Variants in GLDC observed in about 807,000 individuals in gnomAD.
The protein encoded by GLDC is glycine dehydrogenase (decarboxylating), mitochondrial.
GLDC carries 104 observed loss-of-function variants against 121.3 expected under a neutral mutation model. That is an observed-to-expected ratio of 0.86 (90% confidence interval 0.73 to 1.01). The LOEUF (loss-of-function observed/expected upper bound fraction) is 1.01. Among genes scored for constraint, GLDC ranks in the 50% least tolerant of loss-of-function variants. GLDC has a pLI of 0.00. For missense variants in GLDC, 1,429 were observed against 1,306.6 expected (o/e 1.09, Z -1.44); for synonymous variants, 546 against 480.6 (o/e 1.14, Z -1.78).
At chr9:6,595,803 C>T (rs927172078) in intron 8 of GLDC, among the ~76,000 whole-genome samples, 1 of 152,066 alleles carries the variant, frequency 6.6e-6, no homozygotes, top group Non-Finnish European at 1.5e-5. Flanking sequence ...GACTCCAGCC[C>T]GGTTGACAAT....
intron 4 of GLDC, among the ~76,000 whole-genome samples, chr9:6,609,704 G>T (rs1465796539): frequency 6.6e-6 from 1 of 150,690 alleles, no homozygotes; most frequent in African/African-American, 2.5e-5. Context: ...CCCTCCCAAA[G>T]CTAGGTGCCG....
intron 21 of GLDC, chr9:6,541,737 G>T (rs1176816571): frequency 1.4e-5 from 2 of 141,556 alleles, no homozygotes; most frequent in Non-Finnish European, 3.0e-5. Flanking sequence ...CTGAGTGAGA[G>T]AATTGCTTGA....
At chr9:6,559,059 A>C (rs1394337049) in intron 16 of GLDC, among the ~76,000 whole-genome samples, 2 of 152,184 alleles carry the variant, frequency 1.3e-5, no homozygotes, top group African/African-American at 4.8e-5. Flanking sequence ...GGCCCACATC[A>C]CAGCTTCAGT....
chr9:6,556,201 A>G lies in GLDC; in HGVS notation c.2154T>C (p.His718=). Residue 718 remains histidine, a synonymous_variant, in exon 18 of 25, where the codon CAT becomes CAC. Coordinates refer to ENST00000321612, the MANE Select transcript of GLDC (RefSeq NM_000170.3). The part of the protein sequence containing the change: ...ENISDVCDLI[H]QHGGQVYLDG... Reference sequence around the variant, plus strand: ...CTAGGTAGACCTGTCCTCCATGTTGATGGATGAGGTCACACACGTCACTGA... The same window carrying G: ...CTAGGTAGACCTGTCCTCCATGTTGGTGGATGAGGTCACACACGTCACTGA... 1 of 1,613,206 alleles carries G rather than the reference A, an allele frequency of 6.2e-7. No individual in the cohort carries two copies. Among genetic ancestry groups the G allele is most frequent in the Non-Finnish European group, 8.5e-7 (1 of 1,179,380 alleles).
intron 16 of GLDC, among the ~76,000 whole-genome samples, chr9:6,561,624 G>C (rs951825835): frequency 6.6e-6 from 1 of 150,656 alleles, no homozygotes; most frequent in Non-Finnish European, 1.5e-5. Context: ...ACTCCAGCCT[G>C]GGTGACAGAG....
intron 21 of GLDC, chr9:6,540,487 T>C (rs566112738): frequency 2.9e-6 from 1 of 340,132 alleles, no homozygotes; most frequent in South Asian, 2.7e-5. Context: ...ACATAAAATC[T>C]ACTTGCAACA....
Position 6,594,994 on chromosome 9 carries a change from T to C in GLDC, c.1261+20A>G, listed in dbSNP as rs1394924989. The C allele has an allele frequency of 7.2e-7, 1 of 1,388,488 alleles. No homozygotes were observed. Among genetic ancestry groups the C allele is most frequent in the East Asian group, 2.3e-5 (1 of 43,900 alleles). 86.0% of individuals were successfully genotyped at this position (1,388,488 alleles called of 1,614,324 possible). On this transcript the variant is annotated intron_variant, in intron 9 of 24. Transcript: ENST00000321612. ...TCAATTTTATTATGCCCAAATGTTT[T>C]AGACAGATTACCAACTCACCTTCTG...
chr9:6,630,001 G>A (rs867318755), intron 2 of GLDC, among the ~76,000 whole-genome samples: 2 of 91,382 alleles, frequency 2.2e-5, no homozygotes, highest in Non-Finnish European at 4.2e-5. Flanking sequence ...TGTTTCCCAG[G>A]CTGGTTTCAA....
chr9:6,548,714 T>C (rs1335639939), intron 21 of GLDC, among the ~76,000 whole-genome samples: 2 of 152,180 alleles, frequency 1.3e-5, no homozygotes, highest in Non-Finnish European at 2.9e-5. Context: ...TCTGTCTCTC[T>C]GATCTAAGCT....
At chr9:6,627,022 G>C (rs567347584) in intron 2 of GLDC, among the ~76,000 whole-genome samples, 1 of 152,148 alleles carries the variant, frequency 6.6e-6, no homozygotes, top group African/African-American at 2.4e-5. Flanking sequence ...TGGGCCGGGC[G>C]TGGTGGCTCA....
intron 21 of GLDC, among the ~76,000 whole-genome samples, chr9:6,545,768 G>A (rs548071643): frequency 1.3e-5 from 2 of 152,118 alleles, no homozygotes; most frequent in Admixed American, 6.5e-5. Context: ...AGCCTCCCGA[G>A]TAGCTGGGAT....
intron 6 of GLDC, 36 bp downstream of exon 6, chr9:6,605,095 G>T: frequency 6.3e-7 from 1 of 1,587,214 alleles, no homozygotes; most frequent in Non-Finnish European, 8.6e-7. Context: ...GTTGGGATAC[G>T]CCTCCACGGA....
At chr9:6,561,447 A>G (rs1817757887) in intron 16 of GLDC, among the ~76,000 whole-genome samples, 1 of 152,116 alleles carries the variant, frequency 6.6e-6, no homozygotes, top group African/African-American at 2.4e-5. Context: ...CCAGGAGTTC[A>G]AGACCAGCCT....
chr9:6,641,708 G>A (rs1326077719), intron 2 of GLDC, among the ~76,000 whole-genome samples: 1 of 152,064 alleles, frequency 6.6e-6, no homozygotes, highest in African/African-American at 2.4e-5. Flanking sequence ...TCCAGTACAT[G>A]GTAAGCACTA....
intron 2 of GLDC, chr9:6,639,523 T>C: frequency 1.2e-6 from 1 of 803,116 alleles, no homozygotes. Context: ...AACACCCTGA[T>C]TCGGCCTGAT....
intron 19 of GLDC, among the ~76,000 whole-genome samples, chr9:6,553,959 C>T (rs1394703303): frequency 6.6e-6 from 1 of 151,588 alleles, no homozygotes; most frequent in Admixed American, 6.6e-5. Context: ...TAATCATCAT[C>T]AAAATGAATC....
chr9:6,596,891 T>C (rs60064949), intron 8 of GLDC, among the ~76,000 whole-genome samples: 8,894 of 152,250 alleles, frequency 0.058, 587 homozygotes, highest in African/African-American at 0.16. Flanking sequence ...GCTAGGAATA[T>C]AACCAAAAGA....
chr9:6,553,150 AC>A (rs34835975), intron 20 of GLDC, among the ~76,000 whole-genome samples: 1 of 152,178 alleles, frequency 6.6e-6, no homozygotes, highest in Non-Finnish European at 1.5e-5. Context: ...CACTCTGAGA[AC>A]CCAAAAGAAG....
At chr9:6,543,690 G>A (rs889670093) in intron 21 of GLDC, among the ~76,000 whole-genome samples, 1 of 152,212 alleles carries the variant, frequency 6.6e-6, no homozygotes. Context: ...CTTGGTGGCT[G>A]TCAGAAGCCA....
Sources: allele counts gnomAD v4.1 joint callset (sites outside exome capture counted in the v4.1 genomes callset), GRCh38; gene constraint gnomAD v4.1.1; transcripts MANE v1.5; gene names NCBI Gene and HGNC (gene_info 2026-07-23, HGNC 2026-07-21).